Variants in PSD2 observed in about 807,000 individuals in gnomAD.
PSD2 encodes the protein pleckstrin and Sec7 domain containing 2.
In PSD2, 38 loss-of-function variants were observed where a neutral mutation model predicts 69.8. That is an observed-to-expected ratio of 0.54 (90% CI 0.42 to 0.71). PSD2 has a LOEUF of 0.71. Among genes scored for constraint, PSD2 ranks in the 30% least tolerant of loss-of-function variants. PSD2 has a pLI of 0.00. For synonymous variants in PSD2, 412 were observed against 423.0 expected (o/e 0.97, Z 0.32); for missense variants, 943 against 1,014.5 (o/e 0.93, Z 0.96).
chr5:139,767,848 A>G, the PSD2 span, among the ~76,000 whole-genome samples: 1 of 152,268 alleles, frequency 6.6e-6, no homozygotes, highest in Non-Finnish European at 1.5e-5. Context: ...GACAGAGGTA[A>G]GGCTCTTGCT....
intron 7 of PSD2, among the ~76,000 whole-genome samples, chr5:139,823,027 A>G (rs1403699618): frequency 3.9e-5 from 6 of 152,154 alleles, no homozygotes; most frequent in African/African-American, 7.2e-5. Flanking sequence ...AAGATGAGCC[A>G]CAAATGTGTG....
At chr5:139,788,180 C>CG in the PSD2 span, among the ~76,000 whole-genome samples, 224 of 13,202 alleles carry the variant, frequency 0.017, no homozygotes, top group Middle Eastern at 0.12. Context: ...CCCCCCCGCG[C>CG]CCCCCCCCGA....
At chr5:139,795,543 G>A (rs1759496457), upstream of PSD2, among the ~76,000 whole-genome samples, 2 of 152,232 alleles carry the variant, frequency 1.3e-5, no homozygotes, top group African/African-American at 2.4e-5. This position sits in a 1 kb window ranked among gnomAD's most constrained non-coding sequence, Gnocchi z 4.5. Context: ...TGGCTAGGAG[G>A]GGGCAGAACC....
At chr5:139,799,195 C>A (rs111940574) in intron 1 of PSD2, among the ~76,000 whole-genome samples, 421 of 152,256 alleles carry the variant, frequency 2.8e-3, no homozygotes, top group African/African-American at 9.8e-3. Context: ...TCAGGGGTCC[C>A]TGTATTTCAA....
intron 4 of PSD2, 121 bp from the exon 5 acceptor site, chr5:139,817,360 G>A: frequency 5.0e-6 from 4 of 801,506 alleles, no homozygotes; most frequent in Non-Finnish European, 8.6e-6. Context: ...CAGCAGCCTA[G>A]GGGTTGAGCA....
At chr5:139,798,096 G>A (rs528146768) in intron 1 of PSD2, among the ~76,000 whole-genome samples, 4 of 152,284 alleles carry the variant, frequency 2.6e-5, no homozygotes, top group Middle Eastern at 3.4e-3. Flanking sequence ...TGTTTTGAGC[G>A]GCATCTTATG....
At chr5:139,766,815 G>A in the PSD2 span, among the ~76,000 whole-genome samples, 1 of 103,326 alleles carries the variant, frequency 9.7e-6, no homozygotes, top group African/African-American at 3.1e-5. Flanking sequence ...TTTGAGTCTG[G>A]GCAAGTCCCT....
the PSD2 span, among the ~76,000 whole-genome samples, chr5:139,770,885 A>G: frequency 6.6e-6 from 1 of 152,232 alleles, no homozygotes; most frequent in South Asian, 2.1e-4. Flanking sequence ...TACAAATTAT[A>G]CGATTTTGAT....
chr5:139,810,730 T>C (rs1199366951), intron 2 of PSD2, among the ~76,000 whole-genome samples: 1 of 152,156 alleles, frequency 6.6e-6, no homozygotes, highest in Non-Finnish European at 1.5e-5. Flanking sequence ...TGGCACTGGG[T>C]GTGCCATGGC....
chr5:139,828,421 C>T (rs926494089), intron 7 of PSD2, among the ~76,000 whole-genome samples: 15 of 152,120 alleles, frequency 9.9e-5, no homozygotes, highest in Non-Finnish European at 1.9e-4. Context: ...TCTGGCGAAG[C>T]GCATTGGGGC....
chr5:139,816,515 T>A lies in PSD2; in HGVS notation c.1017-966T>A, dbSNP rs79206804. ...TTTGTCCTAAAGAATGTTCCACGGT[T>A]TGGATATGGTATCCTGATGGTGTTA... On this transcript the variant is annotated intron_variant, in intron 4 of 14. Transcript: ENST00000274710. Among the ~76,000 whole-genome samples, 597 of 152,362 alleles carry A rather than the reference T, an allele frequency of 3.9e-3. 1 individual carries two copies. Among genetic ancestry groups the A allele is most frequent in the African/African-American group, 0.013 (531 of 41,580 alleles).
At chr5:139,820,996 G>A (rs554068493) in intron 5 of PSD2, among the ~76,000 whole-genome samples, 16 of 151,870 alleles carry the variant, frequency 1.1e-4, no homozygotes, top group Middle Eastern at 3.4e-3. Context: ...GCAATGGTGC[G>A]ACCTTGGCTC....
rs373150433 is a variant in PSD2, at chr5:139,815,536, G to A, written c.1016+1172G>A. ...TCTCCACACTCAGCCCCTCCACACT[G>A]GTTTCCTCTCCCCACACCAACTTCA... On this transcript the variant is annotated intron_variant, in intron 4 of 14. Coordinates refer to ENST00000274710, the MANE Select transcript of PSD2 (RefSeq NM_032289.4). 2.6e-5 allele frequency among the ~76,000 whole-genome samples: 4 copies of A among 152,178 alleles called. No individual in the cohort carries two copies. In the East Asian group the frequency reaches 5.8e-4, roughly 22 times the overall value.
upstream of PSD2, among the ~76,000 whole-genome samples, chr5:139,794,263 T>C (rs1300586132): frequency 6.6e-6 from 1 of 152,206 alleles, no homozygotes; most frequent in East Asian, 1.9e-4. Context: ...TCTCCAAGTC[T>C]CAGTTTTCTC....
At chr5:139,760,139 G>C in the PSD2 span, among the ~76,000 whole-genome samples, 1 of 152,238 alleles carries the variant, frequency 6.6e-6, no homozygotes, top group South Asian at 2.1e-4. Flanking sequence ...TGCCAGTATG[G>C]ACAGGGTTGC....
upstream of PSD2, among the ~76,000 whole-genome samples, chr5:139,794,870 G>A (rs1759480128): frequency 6.6e-6 from 1 of 152,184 alleles, no homozygotes; most frequent in South Asian, 2.1e-4. Flanking sequence ...CTCACAGCCA[G>A]GAAGTTCTTA....
the PSD2 span, among the ~76,000 whole-genome samples, chr5:139,787,519 T>C: frequency 1.3e-5 from 2 of 152,248 alleles, no homozygotes; most frequent in African/African-American, 2.4e-5. Context: ...TGAGCCTGGC[T>C]CACAGAACAC....
intron 1 of PSD2, among the ~76,000 whole-genome samples, chr5:139,797,223 A>G (rs183689634): frequency 6.6e-6 from 1 of 152,270 alleles, no homozygotes; most frequent in African/African-American, 2.4e-5. Context: ...CCTTTCCCCA[A>G]TATATGCGGG....
chr5:139,830,590 CTTTT>C (rs1408487656), intron 7 of PSD2, among the ~76,000 whole-genome samples: 68 of 98,818 alleles, frequency 6.9e-4, no homozygotes, highest in African/African-American at 9.5e-4. Flanking sequence ...TTCTTTCTTT[CTTTT>C]TCTTTCTTTC....
Sources: gnomAD v4.1 joint callset for allele counts (sites outside exome capture counted in the v4.1 genomes callset) on GRCh38, gnomAD v4.1.1 for gene constraint, Gnocchi (gnomAD v3.1) non-coding constraint, MANE v1.5 for transcripts, NCBI Gene and HGNC (gene_info 2026-07-23, HGNC 2026-07-21) for gene names.